CACNB2: variants seen among roughly 807,000 people sequenced by gnomAD.
The protein encoded by CACNB2 is calcium voltage-gated channel auxiliary subunit beta 2, also known as voltage-dependent L-type calcium channel subunit beta-2.
A neutral mutation model predicts 73.3 loss-of-function variants in CACNB2; 42 were observed. The ratio of observed to expected loss-of-function variants is 0.57; its 90% confidence interval spans 0.45 to 0.74. The LOEUF is 0.74. CACNB2 is among the 30% of genes least tolerant of loss of function. The pLI is 0.00. For synonymous variants in CACNB2, 348 were observed against 310.3 expected (o/e 1.12, Z -1.28); for missense variants, 940 against 853.0 (o/e 1.10, Z -1.27).
chr10:18,386,399 A>ATTTTTTTTTTTT (rs10637329), intron 2 of CACNB2, among the ~76,000 whole-genome samples: 3 of 106,526 alleles, frequency 2.8e-5, no homozygotes, highest in Admixed American at 1.2e-4. Flanking sequence ...TTTATTTATG[A>ATTTTTTTTTTTT]TTTTTTTTTT....
chr10:18,185,835 G>A (rs1257531542), intron 2 of CACNB2, among the ~76,000 whole-genome samples: 1 of 152,084 alleles, frequency 6.6e-6, no homozygotes, highest in East Asian at 1.9e-4. Flanking sequence ...GGATATGGTA[G>A]AGAACAAAGC....
chr10:18,244,632 A>G (rs970022478), intron 2 of CACNB2, among the ~76,000 whole-genome samples: 5 of 152,162 alleles, frequency 3.3e-5, no homozygotes, highest in Middle Eastern at 3.2e-3. Flanking sequence ...AAGACTTGAG[A>G]GTTGTTAGGG....
In CACNB2 at chr10:18,140,820, C is replaced by A. The variant is rs763573123; in HGVS notation, c.84C>A (p.Asn28Lys). 1.2e-5 allele frequency: 20 copies of A among 1,604,210 alleles called. No individual in the cohort carries two copies. Among genetic ancestry groups the A allele is most frequent in the South Asian group, 4.5e-5 (4 of 89,418 alleles). The change falls in exon 1 of 14, where the codon AAC (asparagine) becomes AAA (lysine). Residue 28 changes from asparagine (N) to lysine (K), a missense_variant. Asn to Lys is a moderately conservative substitution (Grantham distance 94). Coordinates refer to ENST00000324631, the MANE Select transcript of CACNB2 (RefSeq NM_201596.3). ...AQEIQMELLE[N>K]VAPAGALGAA... ...AGATCCAGATGGAACTGCTAGAGAA[C>A]GTGGCTCCCGCGGGGGCGCTCGGAG... is the stretch of plus-strand genomic sequence containing the variant.
At chr10:18,300,822 C>G (rs2039480579) in intron 2 of CACNB2, among the ~76,000 whole-genome samples, 1 of 151,850 alleles carries the variant, frequency 6.6e-6, no homozygotes, top group Admixed American at 6.6e-5. Context: ...GCACTCCAGC[C>G]TGGGTAACAG....
chr10:18,247,137 T>G lies in CACNB2; in HGVS notation c.213+96162T>G, dbSNP rs187980226. Among the ~76,000 whole-genome samples, 776 of 152,232 alleles carry G rather than the reference T, an allele frequency of 5.1e-3. 5 individuals carry two copies. Among genetic ancestry groups the G allele is most frequent in the Middle Eastern group, 0.014 (4 of 294 alleles). ...CACGTGAGACCCGTCTGCTATCTCC[T>G]CTCCTGGGAATTCCCTGGCCCTTCT... On this transcript the variant is annotated intron_variant, in intron 2 of 13. Transcript: ENST00000324631.
Position 18,233,886 on chromosome 10 carries a change from G to A in CACNB2, c.213+82911G>A, listed in dbSNP as rs1459047027. Among the ~76,000 whole-genome samples the A allele has an allele frequency of 3.3e-5, 5 of 152,168 alleles. No homozygotes were observed. The East Asian group carries it at 9.6e-4, about 29-fold the overall frequency. ...CAGTGTCTGAGCCGTGTAGAGAAAGGTCACGGTCACTGAGTGCTCAGTCAA... is the reference window on the plus strand; with the variant it reads ...CAGTGTCTGAGCCGTGTAGAGAAAGATCACGGTCACTGAGTGCTCAGTCAA... On this transcript the variant is annotated intron_variant, in intron 2 of 13. Transcript: ENST00000324631.
At chr10:18,227,290 G>A (rs528724683) in intron 2 of CACNB2, among the ~76,000 whole-genome samples, 2 of 152,142 alleles carry the variant, frequency 1.3e-5, no homozygotes, top group Admixed American at 6.5e-5. Context: ...ATCCAGAAGC[G>A]CAGATTTGGG....
intron 2 of CACNB2, among the ~76,000 whole-genome samples, chr10:18,202,879 G>A (rs535152164): frequency 1.3e-5 from 2 of 152,208 alleles, no homozygotes; most frequent in East Asian, 3.9e-4. Flanking sequence ...TCCCTTTCTT[G>A]ACATACAGAC....
intron 2 of CACNB2, among the ~76,000 whole-genome samples, chr10:18,311,880 T>A (rs1207255445): frequency 3.3e-5 from 5 of 152,202 alleles, no homozygotes; most frequent in Admixed American, 2.6e-4. Flanking sequence ...TACAGTCACC[T>A]GACTTAGGAA....
At chr10:18,157,731 C>A (rs75086557) in intron 2 of CACNB2, among the ~76,000 whole-genome samples, 1 of 152,202 alleles carries the variant, frequency 6.6e-6, no homozygotes, top group Non-Finnish European at 1.5e-5. Flanking sequence ...TTATGCTATA[C>A]TTCCTTGTAG....
intron 2 of CACNB2, among the ~76,000 whole-genome samples, chr10:18,296,788 AT>A (rs2039297726): frequency 1.3e-5 from 2 of 152,168 alleles, no homozygotes; most frequent in Admixed American, 6.5e-5. Context: ...AAACAAAATT[AT>A]TTTCTCATAC....
intron 9 of CACNB2, among the ~76,000 whole-genome samples, chr10:18,520,931 AC>A (rs2051815900): frequency 6.6e-6 from 1 of 152,174 alleles, no homozygotes; most frequent in Non-Finnish European, 1.5e-5. Flanking sequence ...TATTTCCAGT[AC>A]TATTTTTGTT....
At chr10:18,327,284 A>G (rs750472811) in intron 2 of CACNB2, among the ~76,000 whole-genome samples, 6 of 152,188 alleles carry the variant, frequency 3.9e-5, no homozygotes, top group Non-Finnish European at 8.8e-5. Flanking sequence ...TATATCCATT[A>G]TATTTTCATA....
chr10:18,535,715 G>A (rs919987712), intron 11 of CACNB2, among the ~76,000 whole-genome samples: 33 of 152,086 alleles, frequency 2.2e-4, no homozygotes, highest in African/African-American at 7.5e-4. Context: ...GGAGCTTGCA[G>A]TGAGCCGAGA....
intron 3 of CACNB2, among the ~76,000 whole-genome samples, chr10:18,486,506 G>A (rs188479353): frequency 6.6e-6 from 1 of 152,194 alleles, no homozygotes; most frequent in African/African-American, 2.4e-5. Context: ...ACAAGAGCCT[G>A]TGGGCCTCCA....
chr10:18,315,764 A>C (rs180745352), intron 2 of CACNB2, among the ~76,000 whole-genome samples: 179 of 152,228 alleles, frequency 1.2e-3, no homozygotes, highest in African/African-American at 4.1e-3. Flanking sequence ...ACTATCCAAA[A>C]AATAAAGAAG....
intron 3 of CACNB2, among the ~76,000 whole-genome samples, chr10:18,449,098 A>T (rs1436611661): frequency 6.6e-6 from 1 of 152,120 alleles, no homozygotes; most frequent in East Asian, 1.9e-4. Flanking sequence ...CTAAAACGAG[A>T]ACGTGCCCAG....
intron 2 of CACNB2, among the ~76,000 whole-genome samples, chr10:18,272,998 T>G (rs920667573): frequency 6.6e-6 from 1 of 152,156 alleles, no homozygotes; most frequent in Non-Finnish European, 1.5e-5. Flanking sequence ...TCCTGATAAT[T>G]TAATGTTTAA....
At chr10:18,518,836 A>C (rs2051539883) in intron 8 of CACNB2, 74 bp from the exon 9 acceptor site, 2 of 1,332,308 alleles carry the variant, frequency 1.5e-6, no homozygotes, top group Admixed American at 1.7e-5. Flanking sequence ...CATTCCTAAG[A>C]GAAGTAAAAT....
Sources: gnomAD v4.1 joint callset for allele counts (sites outside exome capture counted in the v4.1 genomes callset) on GRCh38, gnomAD v4.1.1 for gene constraint, MANE v1.5 for transcripts, NCBI Gene and HGNC (gene_info 2026-07-23, HGNC 2026-07-21) for gene names.